FAM135B: variants seen among roughly 807,000 people sequenced by gnomAD.
FAM135B encodes protein FAM135B.
In FAM135B, 43 loss-of-function variants were observed where a neutral mutation model predicts 127.7. The ratio of observed to expected loss-of-function variants is 0.34; its 90% CI spans 0.26 to 0.43. The LOEUF (loss-of-function observed/expected upper bound fraction) is 0.43, where lower values mean the gene tolerates loss of function less well. FAM135B is among the 20% of genes least tolerant of loss of function. The probability of loss-of-function intolerance (pLI) is 1.00; values close to 1 mark genes in which losing one functional copy is unlikely to be tolerated. For missense variants in FAM135B, 1,558 were observed against 1,725.6 expected (o/e 0.90, Z 1.72); for synonymous variants, 670 against 665.1 (o/e 1.01, Z -0.11).
intron 2 of FAM135B, among the ~76,000 whole-genome samples, chr8:138,320,791 A>C (rs1324451331): frequency 6.6e-6 from 1 of 152,210 alleles, no homozygotes; most frequent in Admixed American, 6.5e-5. Flanking sequence ...GAATAAGTGA[A>C]AATTCTAAAA....
intron 9 of FAM135B, among the ~76,000 whole-genome samples, chr8:138,187,869 G>A (rs1020044995): frequency 7.2e-5 from 11 of 152,224 alleles, no homozygotes; most frequent in African/African-American, 2.4e-4. Context: ...CCGATCTCTG[G>A]AGAAAGGAGA....
At chr8:138,285,383 G>T (rs986412517) in intron 3 of FAM135B, among the ~76,000 whole-genome samples, 1 of 152,100 alleles carries the variant, frequency 6.6e-6, no homozygotes, top group Non-Finnish European at 1.5e-5. Flanking sequence ...TTGACCTCAG[G>T]TTATACGCCC....
intron 1 of FAM135B, among the ~76,000 whole-genome samples, chr8:138,411,397 A>G (rs1290805266): frequency 2.6e-5 from 4 of 152,162 alleles, no homozygotes; most frequent in Non-Finnish European, 4.4e-5. Flanking sequence ...AGGATTCCCT[A>G]TTTAATAAAT....
At chr8:138,195,236 C>A in intron 9 of FAM135B, 22 bp downstream of exon 9, 1 of 1,612,450 alleles carries the variant, frequency 6.2e-7, no homozygotes, top group South Asian at 1.1e-5. Flanking sequence ...CATTCAGACC[C>A]CAGCGCCAGT....
At chr8:138,172,661 A>G (rs1393182564) in intron 11 of FAM135B, among the ~76,000 whole-genome samples, 1 of 152,218 alleles carries the variant, frequency 6.6e-6, no homozygotes, top group East Asian at 1.9e-4. Flanking sequence ...TTGTATAGAA[A>G]GTCCCCAGAT....
At chr8:138,233,707 C>T (rs1820064454) in intron 7 of FAM135B, among the ~76,000 whole-genome samples, 1 of 152,104 alleles carries the variant, frequency 6.6e-6, no homozygotes, top group Non-Finnish European at 1.5e-5. Flanking sequence ...GCAAAGGAAA[C>T]AATCAACAGA....
At chr8:138,416,082 C>A (rs1262370845) in intron 1 of FAM135B, among the ~76,000 whole-genome samples, 1 of 152,124 alleles carries the variant, frequency 6.6e-6, no homozygotes, top group Non-Finnish European at 1.5e-5. Flanking sequence ...CTTTCTTCAT[C>A]CTCCCTCATG....
intron 2 of FAM135B, among the ~76,000 whole-genome samples, chr8:138,311,951 A>AAT (rs1039175611): frequency 1.1e-4 from 17 of 152,116 alleles, no homozygotes; most frequent in African/African-American, 2.9e-4. Flanking sequence ...CTGTAAAATG[A>AAT]ATATATATAT....
At chr8:138,349,005 C>T (rs1048755279) in intron 2 of FAM135B, among the ~76,000 whole-genome samples, 6 of 152,218 alleles carry the variant, frequency 3.9e-5, no homozygotes, top group African/African-American at 1.2e-4. Context: ...ATGAGGCCAG[C>T]CAAAATGGGC....
intron 7 of FAM135B, among the ~76,000 whole-genome samples, chr8:138,206,339 ACC>A (rs1817586886): frequency 9.1e-5 from 13 of 142,564 alleles, no homozygotes; most frequent in South Asian, 2.2e-4. Context: ...CCCTCCACCT[ACC>A]CACAACTCCA....
intron 1 of FAM135B, among the ~76,000 whole-genome samples, chr8:138,481,665 C>T (rs1002434421): frequency 6.6e-6 from 1 of 152,174 alleles, no homozygotes; most frequent in African/African-American, 2.4e-5. Context: ...AGCCTTTGGT[C>T]ATGCTTTATT....
intron 1 of FAM135B, among the ~76,000 whole-genome samples, chr8:138,386,117 G>A (rs1205915028): frequency 6.6e-6 from 1 of 151,826 alleles, no homozygotes; most frequent in African/African-American, 2.4e-5. Flanking sequence ...TCAGGAGGCT[G>A]AGGCAGAAGA....
At chr8:138,408,326 A>G (rs1833654106) in intron 1 of FAM135B, among the ~76,000 whole-genome samples, 1 of 152,170 alleles carries the variant, frequency 6.6e-6, no homozygotes, top group Non-Finnish European at 1.5e-5. Context: ...CTTCTAACTG[A>G]TAACTTGCTG....
chr8:138,195,228 T>C (rs1017274808), intron 9 of FAM135B, 30 bp downstream of exon 9: 5 of 1,608,956 alleles, frequency 3.1e-6, no homozygotes, highest in South Asian at 1.1e-5. Context: ...CTGCCATTCA[T>C]TCAGACCCCA....
chr8:138,287,237 A>G (rs1824758037), intron 3 of FAM135B, among the ~76,000 whole-genome samples: 1 of 152,226 alleles, frequency 6.6e-6, no homozygotes, highest in Admixed American at 6.5e-5. Flanking sequence ...AAGAAAAAGA[A>G]GCAAAAGTTG....
intron 11 of FAM135B, among the ~76,000 whole-genome samples, chr8:138,169,870 C>T (rs987946793): frequency 6.6e-6 from 1 of 152,196 alleles, no homozygotes; most frequent in Non-Finnish European, 1.5e-5. Flanking sequence ...AGGCTGTGAT[C>T]TAGGGAAATG....
chr8:138,375,917 G>A (rs1275632154), intron 1 of FAM135B, among the ~76,000 whole-genome samples: 3 of 152,164 alleles, frequency 2.0e-5, no homozygotes, highest in Non-Finnish European at 4.4e-5. Flanking sequence ...CCTCAAAATT[G>A]TGGAAGACTG....
chr8:138,168,297 T>G (rs984616015), intron 11 of FAM135B, among the ~76,000 whole-genome samples: 2 of 152,204 alleles, frequency 1.3e-5, no homozygotes, highest in Non-Finnish European at 2.9e-5. Context: ...ACAAGAGTAT[T>G]TATCATCGAC....
chr8:138,398,682 T>C (rs1832980914), intron 1 of FAM135B, among the ~76,000 whole-genome samples: 1 of 152,140 alleles, frequency 6.6e-6, no homozygotes, highest in South Asian at 2.1e-4. Context: ...GATGCATTCC[T>C]CCAAAGAGGG....
Sources: allele counts gnomAD v4.1 joint callset (sites outside exome capture counted in the v4.1 genomes callset), GRCh38; gene constraint gnomAD v4.1.1; transcripts MANE v1.5; gene names NCBI Gene and HGNC (gene_info 2026-07-23, HGNC 2026-07-21).